ALDH16A1: variants seen among roughly 807,000 people sequenced by gnomAD.
The protein encoded by ALDH16A1 is aldehyde dehydrogenase family 16 member A1.
A neutral mutation model predicts 96.1 loss-of-function variants in ALDH16A1; 88 were observed. The observed-to-expected ratio is 0.92, with a 90% CI of 0.77 to 1.09. ALDH16A1 has a LOEUF of 1.09. Among genes scored for constraint, ALDH16A1 ranks in the 50% least tolerant of loss-of-function variants. The pLI is 0.00. For synonymous variants in ALDH16A1, 522 were observed against 496.4 expected (o/e 1.05, Z -0.69); for missense variants, 1,250 against 1,112.6 (o/e 1.12, Z -1.76).
At chr19:49,466,943 G>A (rs1192453235) in intron 14 of ALDH16A1, among the ~76,000 whole-genome samples, 1 of 152,046 alleles carries the variant, frequency 6.6e-6, no homozygotes, top group Non-Finnish European at 1.5e-5. Flanking sequence ...AGGCAAAAGT[G>A]GGTGGATCGC....
Position 49,458,538 on chromosome 19 carries a change from G to A in ALDH16A1, c.143G>A (p.Trp48Ter). 6.4e-7 allele frequency: 1 copy of A among 1,567,768 alleles called. No individual in the cohort carries two copies. The highest frequency in any genetic ancestry group is 8.7e-7 in the Non-Finnish European group (1 of 1,153,994). Residue 48 changes from tryptophan (W) to a stop codon, truncating the protein, a stop_gained, in exon 2 of 17, where the codon TGG (tryptophan) becomes TAG (stop). Transcript: ENST00000293350. LOFTEE classifies it high-confidence loss of function. ...TTGGGCCACTATGTGAATGGGAAGT[G>A]GTTAAAGCCTGAACACAGAAATTCA... ...RCLGHYVNGKWLKPEHRNSVP... is the reference protein window; with the variant it reads ...RCLGHYVNGK
intron 1 of ALDH16A1, among the ~76,000 whole-genome samples, chr19:49,455,030 A>G (rs1437793839): frequency 6.6e-6 from 1 of 151,622 alleles, no homozygotes; most frequent in Non-Finnish European, 1.5e-5. Context: ...AGGTGGGAGA[A>G]TTGCTTGAAT....
chr19:49,464,280 C>T lies in ALDH16A1; in HGVS notation c.1331+17C>T, dbSNP rs367630533. 1.9e-5 allele frequency: 30 copies of T among 1,598,728 alleles called. No individual in the cohort carries two copies. Among genetic ancestry groups the T allele is most frequent in the Middle Eastern group, 1.7e-4 (1 of 6,042 alleles). On this transcript the variant is annotated intron_variant, in intron 10 of 16. Coordinates refer to ENST00000293350, the MANE Select transcript of ALDH16A1 (RefSeq NM_153329.4). ...GGGCTATGGGTCAGTCTGCGTGGCC[C>T]GGGCGCTCACTCCTCTCCTCATTCT...
At chr19:49,469,009 A>G (rs769001609) in intron 16 of ALDH16A1, 23 bp downstream of exon 16, 1 of 1,588,792 alleles carries the variant, frequency 6.3e-7, no homozygotes, top group Admixed American at 1.7e-5. Flanking sequence ...CTGTTTTGCC[A>G]TCTTCAGCAT....
intron 10 of ALDH16A1, 52 bp downstream of exon 10, chr19:49,464,315 ATCTCCC>A (rs1345656679): frequency 6.3e-7 from 1 of 1,590,524 alleles, no homozygotes; most frequent in Non-Finnish European, 8.5e-7. Flanking sequence ...TTCCATCTTC[ATCTCCC>A]TTCTCCCTGG....
chr19:49,459,907 G>C lies in ALDH16A1; in HGVS notation c.499+59G>C. On this transcript the variant is annotated intron_variant, in intron 4 of 16. Coordinates refer to ENST00000293350, the MANE Select transcript of ALDH16A1 (RefSeq NM_153329.4). This position sits in a 1 kb window ranked among gnomAD's most constrained non-coding sequence, Gnocchi z 4.1. ...ACATGACTCAGCAGTGCTAGCTCCA[G>C]TCCCCTCATTCTTTTTCTTTTAGAC... The C allele has an allele frequency of 1.3e-6, 2 of 1,532,634 alleles. No homozygotes were observed. Among genetic ancestry groups the C allele is most frequent in the East Asian group, 2.4e-5 (1 of 41,014 alleles). 94.9% of individuals were successfully genotyped at this position (1,532,634 alleles called of 1,614,324 possible). A position where few individuals can be genotyped will look rare whatever the true frequency, so the allele number is the denominator to read the frequency against.
At position 49,461,720 on chromosome 19, in the gene ALDH16A1, C is replaced by A. The variant is rs1320303; in HGVS notation, c.679C>A (p.Leu227Ile). ...LGPFPGILNV[L>I]SGPASLVPIL... is the part of the protein sequence containing the mutation. Reference sequence around the variant, plus strand: ...CCCCTTCCCGGGAATCCTGAATGTCCTCAGTGGCCCTGCGTCCCTGGTGCC... The same window carrying A: ...CCCCTTCCCGGGAATCCTGAATGTCATCAGTGGCCCTGCGTCCCTGGTGCC... The change falls in exon 6 of 17, where the codon CTC (leucine) becomes ATC (isoleucine). Residue 227 changes from leucine to isoleucine, a missense_variant. Coordinates refer to ENST00000293350, the MANE Select transcript of ALDH16A1 (RefSeq NM_153329.4). 3.9e-5 allele frequency: 63 copies of A among 1,609,286 alleles called. No homozygotes were observed. Among genetic ancestry groups the A allele is most frequent in the East Asian group, 2.2e-4 (10 of 44,684 alleles).
Position 49,461,864 on chromosome 19 carries a change from G to T in ALDH16A1, c.760-20G>T. 1 of 1,593,420 alleles carries T rather than the reference G, an allele frequency of 6.3e-7. No individual in the cohort carries two copies. The highest frequency in any genetic ancestry group is 8.5e-7 in the Non-Finnish European group (1 of 1,170,438). On this transcript the variant is annotated intron_variant, in intron 6 of 16. Coordinates refer to ENST00000293350, the MANE Select transcript of ALDH16A1 (RefSeq NM_153329.4). The stretch of plus-strand genomic sequence containing the variant: ...GGGCCGCAAGGCTCCTCCTGCGGCT[G>T]AACTGGGGGGGGTCCCTAGGAAGGG...
intron 1 of ALDH16A1, among the ~76,000 whole-genome samples, chr19:49,455,884 CT>C (rs1447098687): frequency 1.3e-5 from 2 of 152,082 alleles, no homozygotes; most frequent in Non-Finnish European, 2.9e-5. Flanking sequence ...TTGGCGTGAA[CT>C]TTATTTTTTT....
rs781770831 is a variant in ALDH16A1, at chr19:49,462,658, G to A, written c.1001G>A (p.Arg334Gln). The change falls in exon 8 of 17, where the codon CGA becomes CAA. Residue 334 changes from arginine (R) to glutamine (Q), a missense_variant. Arg to Gln is a conservative substitution (Grantham distance 43). Coordinates refer to ENST00000293350, the MANE Select transcript of ALDH16A1 (RefSeq NM_153329.4). ...QERMGRLRSG[R>Q]GLDGAVDMGA... is the part of the protein sequence containing the mutation. ...CGGATGGGGCGGCTTCGGAGTGGCC[G>A]AGGGCTGGATGGGGCCGTGGACATG... The A allele has an allele frequency of 8.1e-6, 13 of 1,611,988 alleles. No individual in the cohort carries two copies. Among genetic ancestry groups the A allele is most frequent in the African/African-American group, 2.7e-5 (2 of 74,842 alleles).
intron 1 of ALDH16A1, among the ~76,000 whole-genome samples, chr19:49,455,500 G>C (rs1601015705): frequency 6.7e-6 from 1 of 150,022 alleles, no homozygotes; most frequent in Non-Finnish European, 1.5e-5. Flanking sequence ...CCAGCTACCC[G>C]GGAGGCTGAG....
In ALDH16A1 at chr19:49,468,200, T is replaced by A; in HGVS notation, c.1939-181T>A. ...GAAAGGCGGTTATGCAGGATGTTTCTCACCGCCCGAACCCCCGTGGAATGA... is the reference window on the plus strand; with the variant it reads ...GAAAGGCGGTTATGCAGGATGTTTCACACCGCCCGAACCCCCGTGGAATGA... On this transcript the variant is annotated intron_variant, in intron 14 of 16. Transcript: ENST00000293350. The surrounding 1 kb of genome is among the most constrained non-coding windows in gnomAD (Gnocchi z 4.4). 1.7e-6 allele frequency: 1 copy of A among 572,922 alleles called. No individual in the cohort carries two copies. The highest frequency in any genetic ancestry group is 3.0e-6 in the Non-Finnish European group (1 of 330,282). 35.5% of individuals were successfully genotyped at this position (572,922 alleles called of 1,614,324 possible). A position where few individuals can be genotyped will look rare whatever the true frequency, so the allele number is the denominator to read the frequency against.
At chr19:49,465,096 G>A (rs912596986) in intron 12 of ALDH16A1, among the ~76,000 whole-genome samples, 10 of 150,164 alleles carry the variant, frequency 6.7e-5, no homozygotes, top group African/African-American at 1.7e-4. Context: ...GAAACTTGGG[G>A]TCCTCCAGAG....
rs928233473 is a variant in ALDH16A1, at chr19:49,468,855, A to G, written c.2125-9A>G. On this transcript the variant is annotated splice_polypyrimidine_tract_variant and intron_variant, in intron 15 of 16. Coordinates refer to ENST00000293350, the MANE Select transcript of ALDH16A1 (RefSeq NM_153329.4). This position sits in a 1 kb window ranked among gnomAD's most constrained non-coding sequence, Gnocchi z 4.4. ...GCCTCCCCAACCTTTCACTCTCTCT[A>G]TCCCCTAGGACATGGCCACCGTGTT... is the stretch of plus-strand genomic sequence containing the variant. 1.9e-6 allele frequency: 3 copies of G among 1,610,206 alleles called. No homozygotes were observed. Among genetic ancestry groups the G allele is most frequent in the African/African-American group, 1.3e-5 (1 of 74,096 alleles).
intron 14 of ALDH16A1, among the ~76,000 whole-genome samples, chr19:49,467,434 G>A (rs1490715722): frequency 2.1e-5 from 3 of 141,170 alleles, no homozygotes; most frequent in Admixed American, 7.3e-5. Flanking sequence ...TCGCTCTGTC[G>A]CCCAGGCTGG....
Position 49,463,842 on chromosome 19 carries a change from T to C in ALDH16A1, c.1099-12T>C, listed in dbSNP as rs770793804. Reference sequence around the variant, plus strand: ...GACCAGAAGTCGACTTCTAGATCATTTCTCTCCCTAGGTGTTCCAGGCTGG... The same window carrying C: ...GACCAGAAGTCGACTTCTAGATCATCTCTCTCCCTAGGTGTTCCAGGCTGG... On this transcript the variant is annotated splice_polypyrimidine_tract_variant and intron_variant, in intron 8 of 16. Transcript: ENST00000293350. 1 of 1,610,546 alleles carries C rather than the reference T, an allele frequency of 6.2e-7. No individual in the cohort carries two copies. Among genetic ancestry groups the C allele is most frequent in the South Asian group, 1.1e-5 (1 of 90,790 alleles).
At chr19:49,455,043 AGGAGGCAGAGGTTGCAGT>A (rs1161719315) in intron 1 of ALDH16A1, among the ~76,000 whole-genome samples, 1 of 151,532 alleles carries the variant, frequency 6.6e-6, no homozygotes, top group African/African-American at 2.4e-5. Context: ...GCTTGAATCC[AGGAGGCAGAGGTTGCAGT>A]AAGCTGAGAT....
rs547622528 is a variant in ALDH16A1 at position 49,458,052 on chromosome 19, A to AGT, written c.91-434_91-433insGT. Reference sequence around the variant, plus strand: ...AACATGGTGAAACCCCGTCTCTACTAAAAATACAAAAACAAAACTAGCCGC... The same window carrying AGT: ...AACATGGTGAAACCCCGTCTCTACTAGTAAAATACAAAAACAAAACTAGCCGC... On this transcript the variant is annotated intron_variant, in intron 1 of 16. Coordinates refer to ENST00000293350, the MANE Select transcript of ALDH16A1 (RefSeq NM_153329.4). Among the ~76,000 whole-genome samples, 42 of 152,196 alleles carry AGT rather than the reference A, an allele frequency of 2.8e-4. No homozygotes were observed. The East Asian group carries it at 5.0e-3, about 18-fold the overall frequency.
Position 49,462,623 on chromosome 19 carries a change from G to A in ALDH16A1, c.966G>A (p.Arg322=). ...QESVWDEAMR[R]LQERMGRLRS... is the part of the protein sequence containing the mutation. ...CTGTGTGGGATGAAGCCATGAGACG[G>A]CTGCAGGAGCGGATGGGGCGGCTTC... Residue 322 remains arginine, a synonymous_variant, in exon 8 of 17, where the codon CGG becomes CGA. Coordinates refer to ENST00000293350, the MANE Select transcript of ALDH16A1 (RefSeq NM_153329.4). 2 of 1,613,048 alleles carry A rather than the reference G, an allele frequency of 1.2e-6. No homozygotes were observed. Among genetic ancestry groups the A allele is most frequent in the Non-Finnish European group, 1.7e-6 (2 of 1,179,968 alleles).
Sources: allele counts gnomAD v4.1 joint callset (sites outside exome capture counted in the v4.1 genomes callset), GRCh38; gene constraint gnomAD v4.1.1; non-coding constraint Gnocchi (gnomAD v3.1); transcripts MANE v1.5; gene names NCBI Gene and HGNC (gene_info 2026-07-23, HGNC 2026-07-21).